The following ZDHHC14 variants were observed in gnomAD, a reference collection of about 807,000 sequenced individuals.
The protein encoded by ZDHHC14 is zDHHC palmitoyltransferase 14.
ZDHHC14 carries 16 observed loss-of-function variants against 47.7 expected under a neutral mutation model. The observed-to-expected ratio is 0.34, with a 90% confidence interval of 0.23 to 0.51. The LOEUF (loss-of-function observed/expected upper bound fraction) is 0.51, where lower values mean the gene tolerates loss of function less well. Ranked by LOEUF, ZDHHC14 falls within the 20% of genes least tolerant of loss-of-function variation. The pLI is 0.97. For synonymous variants in ZDHHC14, 293 were observed against 278.9 expected, an observed-to-expected ratio of 1.05 and a Z score of -0.50; for missense variants, 515 against 662.5, an observed-to-expected ratio of 0.78 and a Z score of 2.44.
intron 2 of ZDHHC14, among the ~76,000 whole-genome samples, chr6:157,573,936 G>A (rs1303482787): frequency 3.3e-5 from 5 of 151,552 alleles, no homozygotes; most frequent in Admixed American, 3.3e-4. Context: ...GCTGGGGAAC[G>A]CTACTCTGTG....
At chr6:157,549,789 G>A (rs560896807) in intron 2 of ZDHHC14, among the ~76,000 whole-genome samples, 63 of 152,340 alleles carry the variant, frequency 4.1e-4, no homozygotes, top group African/African-American at 1.3e-3. Flanking sequence ...ACAGGATTTG[G>A]AAGGATGTGT....
At chr6:157,390,919 C>A (rs1358802891) in intron 1 of ZDHHC14, among the ~76,000 whole-genome samples, 1 of 151,872 alleles carries the variant, frequency 6.6e-6, no homozygotes, top group Non-Finnish European at 1.5e-5. Flanking sequence ...TTCCTTCATG[C>A]CTTGTAATTT....
chr6:157,506,210 A>G (rs1389036652), intron 1 of ZDHHC14, among the ~76,000 whole-genome samples: 3 of 152,238 alleles, frequency 2.0e-5, no homozygotes, highest in Non-Finnish European at 2.9e-5. Context: ...TCCATGTCTC[A>G]TTCACAACCT....
intron 2 of ZDHHC14, among the ~76,000 whole-genome samples, chr6:157,572,507 A>G (rs1783138495): frequency 6.6e-6 from 1 of 152,086 alleles, no homozygotes; most frequent in South Asian, 2.1e-4. Context: ...TTTTATTATT[A>G]TTATACTTTA....
In ZDHHC14 at chr6:157,458,849, A is replaced by ATTTTTTTTTTTTTTTTTTTTTTTTTTTTT. The variant is rs750975822; in HGVS notation, c.245+76605_245+76606insTTTTTTTTTTTTTTTTTTTTTTTTTTTTT. Among the ~76,000 whole-genome samples the ATTTTTTTTTTTTTTTTTTTTTTTTTTTTT allele has an allele frequency of 3.8e-4, 31 of 81,218 alleles. 6 individuals are homozygous for ATTTTTTTTTTTTTTTTTTTTTTTTTTTTT. Among genetic ancestry groups the ATTTTTTTTTTTTTTTTTTTTTTTTTTTTT allele is most frequent in the South Asian group, 1.6e-3 (3 of 1,874 alleles). The allele number at this position is 81,218 out of a possible 152,430, so 53.3% of individuals were successfully genotyped here. The stretch of plus-strand genomic sequence containing the variant: ...TACAGGTACTAGCAAATGTGGGTGG[A>ATTTTTTTTTTTTTTTTTTTTTTTTTTTTT]TTTTTTTTTTTTTTTTTTTTTTGAG... On this transcript the variant is annotated intron_variant, in intron 1 of 8. Coordinates refer to ENST00000359775, the MANE Select transcript of ZDHHC14 (RefSeq NM_024630.3).
chr6:157,481,787 C>T (rs1294137739), intron 1 of ZDHHC14, among the ~76,000 whole-genome samples: 5 of 152,196 alleles, frequency 3.3e-5, no homozygotes, highest in Non-Finnish European at 7.3e-5. Flanking sequence ...TCCTAAAGCT[C>T]GATAGCACCG....
At chr6:157,420,468 G>A (rs1270273811) in intron 1 of ZDHHC14, among the ~76,000 whole-genome samples, 1 of 151,786 alleles carries the variant, frequency 6.6e-6, no homozygotes, top group African/African-American at 2.4e-5. Context: ...CACTAATGAA[G>A]GAGAGGAGGT....
At chr6:157,555,800 C>G (rs1782433807) in intron 2 of ZDHHC14, among the ~76,000 whole-genome samples, 1 of 152,210 alleles carries the variant, frequency 6.6e-6, no homozygotes, top group Non-Finnish European at 1.5e-5. Context: ...CACCTTCTAC[C>G]CACTAGAATT....
intron 1 of ZDHHC14, among the ~76,000 whole-genome samples, chr6:157,455,857 C>T (rs1390136779): frequency 6.6e-6 from 1 of 152,176 alleles, no homozygotes; most frequent in East Asian, 1.9e-4. Context: ...GAAAGTAACA[C>T]GTTGGCCCAT....
chr6:157,537,580 T>G (rs1442472118), intron 1 of ZDHHC14, among the ~76,000 whole-genome samples: 1 of 152,230 alleles, frequency 6.6e-6, no homozygotes, highest in African/African-American at 2.4e-5. Context: ...TTATGAAGAC[T>G]AAGATGCCTG....
intron 1 of ZDHHC14, among the ~76,000 whole-genome samples, chr6:157,392,446 C>T (rs185014744): frequency 3.3e-5 from 5 of 152,132 alleles, no homozygotes; most frequent in East Asian, 1.9e-4. Flanking sequence ...TACAGCCCCC[C>T]GTGTGTTGGG....
rs143754578 is a variant in ZDHHC14 at position 157,552,047 on chromosome 6, C to T, written c.406+9302C>T. On this transcript the variant is annotated intron_variant, in intron 2 of 8. Coordinates refer to ENST00000359775, the MANE Select transcript of ZDHHC14 (RefSeq NM_024630.3). The stretch of plus-strand genomic sequence containing the variant: ...ACCTAAATACTTTAGAGGATTATTT[C>T]GACGGTTCCACTGCTTAAACAGAAG... Among the ~76,000 whole-genome samples, 1,034 of 152,134 alleles carry T rather than the reference C, an allele frequency of 6.8e-3. 5 individuals carry two copies. Among genetic ancestry groups the T allele is most frequent in the Non-Finnish European group, 0.01 (693 of 68,018 alleles).
intron 1 of ZDHHC14, among the ~76,000 whole-genome samples, chr6:157,437,047 G>A (rs1778454344): frequency 6.6e-6 from 1 of 152,174 alleles, no homozygotes; most frequent in African/African-American, 2.4e-5. Flanking sequence ...GACTGTGCAT[G>A]TGACATGGTG....
chr6:157,639,825 T>C (rs573710865), intron 5 of ZDHHC14, among the ~76,000 whole-genome samples: 1 of 152,280 alleles, frequency 6.6e-6, no homozygotes, highest in African/African-American at 2.4e-5. Flanking sequence ...TAGTGCCAAT[T>C]TGGGGAGCCG....
Position 157,673,285 on chromosome 6 carries a change from GC to G in ZDHHC14, c.*167del. Reference sequence around the variant, plus strand: ...CACTTAGGATGGCACAGGGTGGCTGGCCCCGGATGCTGAGAGCTTGGTTTCA... The same window carrying G: ...CACTTAGGATGGCACAGGGTGGCTGGCCCGGATGCTGAGAGCTTGGTTTCA... On this transcript the variant is annotated 3_prime_UTR_variant, in exon 9 of 9. Coordinates refer to ENST00000359775, the MANE Select transcript of ZDHHC14 (RefSeq NM_024630.3). The surrounding 1 kb of genome is among the most constrained non-coding windows in gnomAD (Gnocchi z 5.4). 1.1e-6 allele frequency: 1 copy of G among 897,112 alleles called. No individual in the cohort carries two copies. The highest frequency in any genetic ancestry group is 1.6e-6 in the Non-Finnish European group (1 of 638,424). The allele number at this position is 897,112 out of a possible 1,614,324, so 55.6% of individuals were successfully genotyped here.
chr6:157,438,957 T>C (rs1010714641), intron 1 of ZDHHC14, among the ~76,000 whole-genome samples: 2 of 152,198 alleles, frequency 1.3e-5, no homozygotes, highest in African/African-American at 4.8e-5. Flanking sequence ...TCATCTAGAA[T>C]TGAGCATTCG....
intron 2 of ZDHHC14, among the ~76,000 whole-genome samples, chr6:157,574,021 A>G (rs1261280539): frequency 6.6e-6 from 1 of 151,944 alleles, no homozygotes; most frequent in Non-Finnish European, 1.5e-5. Context: ...TGCTCACATC[A>G]GCTTCCTAGA....
intron 1 of ZDHHC14, among the ~76,000 whole-genome samples, chr6:157,467,376 C>T (rs942570445): frequency 6.6e-6 from 1 of 152,134 alleles, no homozygotes; most frequent in Non-Finnish European, 1.5e-5. Flanking sequence ...TTTTCTGTCT[C>T]TATAGATTTG....
At chr6:157,538,883 G>C (rs987160124) in intron 1 of ZDHHC14, among the ~76,000 whole-genome samples, 5 of 152,166 alleles carry the variant, frequency 3.3e-5, no homozygotes, top group Non-Finnish European at 7.4e-5. Flanking sequence ...GCGGGTGCCT[G>C]CCTGAGACGC....
Sources: gnomAD v4.1 joint callset for allele counts (sites outside exome capture counted in the v4.1 genomes callset) on GRCh38, gnomAD v4.1.1 for gene constraint, Gnocchi (gnomAD v3.1) non-coding constraint, MANE v1.5 for transcripts, NCBI Gene and HGNC (gene_info 2026-07-23, HGNC 2026-07-21) for gene names.